The following PLAGL1 variants were observed in gnomAD, a reference collection of about 807,000 sequenced individuals.
The protein encoded by PLAGL1 is PLAG1 like zinc finger 1.
Under a neutral mutation model 4.6 loss-of-function variants are expected in PLAGL1, and 1 was observed. That is an observed-to-expected ratio of 0.22 (90% CI 0.08 to 1.03). The LOEUF (loss-of-function observed/expected upper bound fraction) is 1.03. Ranked by LOEUF, PLAGL1 falls within the 50% of genes least tolerant of loss-of-function variation. The probability of loss-of-function intolerance (pLI) is 0.58; values close to 1 mark genes in which losing one functional copy is unlikely to be tolerated. For synonymous variants in PLAGL1, 240 were observed against 237.8 expected, an observed-to-expected ratio of 1.01 and a Z score of -0.08; for missense variants, 464 against 570.4, an observed-to-expected ratio of 0.81 and a Z score of 1.90.
upstream of PLAGL1, among the ~76,000 whole-genome samples, chr6:144,009,513 C>G (rs1301152636): frequency 6.6e-6 from 1 of 152,076 alleles, no homozygotes; most frequent in East Asian, 1.9e-4. Flanking sequence ...ATGGCAATTG[C>G]TTTATTTATT....
At chr6:143,976,650 A>G (rs187593470) in intron 2 of PLAGL1, among the ~76,000 whole-genome samples, 109 of 152,360 alleles carry the variant, frequency 7.2e-4, no homozygotes, top group African/African-American at 2.6e-3. Flanking sequence ...ACTCTTATGA[A>G]TATCTAAAGG....
Position 144,005,184 on chromosome 6 carries a change from T to C in PLAGL1, c.-584+2906A>G, listed in dbSNP as rs530118700. The stretch of plus-strand genomic sequence containing the variant: ...ACACGTATGCTAACTACAGTGCAAA[T>C]TAGAAATCAGTAACAAAAGGATAAC... On this transcript the variant is annotated intron_variant, in intron 1 of 7. Coordinates refer to ENST00000674357, the MANE Select transcript of PLAGL1 (RefSeq NM_001317162.2). This position sits in a 1 kb window ranked among gnomAD's most constrained non-coding sequence, Gnocchi z 4.6. The C allele has an allele frequency of 6.6e-6, 1 of 152,176 alleles. No individual in the cohort carries two copies. Among genetic ancestry groups the C allele is most frequent in the Non-Finnish European group, 1.5e-5 (1 of 67,986 alleles). 9.4% of individuals were successfully genotyped at this position (152,176 alleles called of 1,614,324 possible).
intron 1 of PLAGL1, among the ~76,000 whole-genome samples, chr6:144,049,323 C>G (rs1299979065): frequency 6.6e-6 from 1 of 152,224 alleles, no homozygotes; most frequent in East Asian, 1.9e-4. Context: ...TTACCCAGTT[C>G]CAAAGTTGCT....
chr6:143,999,240 A>G (rs1327871731), intron 1 of PLAGL1, among the ~76,000 whole-genome samples: 1 of 152,178 alleles, frequency 6.6e-6, no homozygotes, highest in Non-Finnish European at 1.5e-5. Flanking sequence ...GTTTCCCTGA[A>G]TGATATAAAT....
At position 143,948,989 on chromosome 6, in the gene PLAGL1, T is replaced by C. The variant is rs143931233; in HGVS notation, c.-324-529A>G. Among the ~76,000 whole-genome samples the C allele has an allele frequency of 6.6e-6, 1 of 152,350 alleles. No individual in the cohort carries two copies. The highest frequency in any genetic ancestry group is 1.9e-4 in the East Asian group (1 of 5,186). ...ACCTAAGTCAATTTGTTTGTAAGAT[T>C]ACTCTGCAGAAGGGCTGATATAAAC... On this transcript the variant is annotated intron_variant, in intron 6 of 7. Transcript: ENST00000674357. This position sits in a 1 kb window ranked among gnomAD's most constrained non-coding sequence, Gnocchi z 6.0.
In PLAGL1 at chr6:144,034,566, T is replaced by C. The variant is rs139690088; in HGVS notation, c.-151+29902A>G. On this transcript the variant is annotated intron_variant, in intron 1 of 3. Coordinates refer to the PLAGL1 transcript ENST00000437412. This position sits in a 1 kb window ranked among gnomAD's most constrained non-coding sequence, Gnocchi z 4.7. ...TGCCAGAAAGGAAGTGTGCAGCTAATTCAGTCCTCCAGCAAAGAAAAGTGG... is the reference window on the plus strand; with the variant it reads ...TGCCAGAAAGGAAGTGTGCAGCTAACTCAGTCCTCCAGCAAAGAAAAGTGG... 1.3e-5 allele frequency among the ~76,000 whole-genome samples: 2 copies of C among 152,348 alleles called. No homozygotes were observed. The highest frequency in any genetic ancestry group is 3.9e-4 in the East Asian group (2 of 5,194).
Position 143,991,731 on chromosome 6 carries a change from T to C in PLAGL1, c.-583-6557A>G, listed in dbSNP as rs944421159. On this transcript the variant is annotated intron_variant, in intron 1 of 7. Transcript: ENST00000674357. ...GCTATGCTCCTGGTTCCCAGAACCA[T>C]GGCATTCCTTGTCCAAAGAGCTTCA... Among the ~76,000 whole-genome samples, 4 of 152,234 alleles carry C rather than the reference T, an allele frequency of 2.6e-5. No individual in the cohort carries two copies. In the East Asian group the frequency reaches 5.8e-4, roughly 22 times the overall value.
chr6:144,015,840 C>T lies in PLAGL1; in HGVS notation c.-150-46862G>A, dbSNP rs890989366. ...TTTGAAAGTTTCTTATAAAGTTAAA[C>T]ATACTCTTATTATATGACCCAGCAA... is the stretch of plus-strand genomic sequence containing the variant. On this transcript the variant is annotated intron_variant, in intron 1 of 3. Coordinates refer to the PLAGL1 transcript ENST00000437412. This position sits in a 1 kb window ranked among gnomAD's most constrained non-coding sequence, Gnocchi z 4.3. Among the ~76,000 whole-genome samples, 6 of 152,296 alleles carry T rather than the reference C, an allele frequency of 3.9e-5. No individual in the cohort carries two copies. Among genetic ancestry groups the T allele is most frequent in the Non-Finnish European group, 7.4e-5 (5 of 68,020 alleles).
At chr6:144,058,076 A>G (rs1799119355) in intron 1 of PLAGL1, among the ~76,000 whole-genome samples, 2 of 152,196 alleles carry the variant, frequency 1.3e-5, no homozygotes, top group Admixed American at 6.5e-5. Context: ...AGACTGGTTA[A>G]TTTACAAAGA....
rs564590457 is a variant in PLAGL1, at chr6:143,977,118, C to T, written c.-544+8017G>A. ...CAACACACTTAGCCTTCTCCATTAT[C>T]GACATCCCCCACTAGAGTGGTACAT... On this transcript the variant is annotated intron_variant, in intron 2 of 7. Coordinates refer to ENST00000674357, the MANE Select transcript of PLAGL1 (RefSeq NM_001317162.2). Among the ~76,000 whole-genome samples the T allele has an allele frequency of 9.6e-5, 13 of 135,756 alleles. No individual in the cohort carries two copies. In the South Asian group the frequency reaches 1.5e-3, roughly 16 times the overall value. The allele number at this position is 135,756 out of a possible 152,430, so 89.1% of individuals were successfully genotyped here. A position where few individuals can be genotyped will look rare whatever the true frequency, so the allele number is the denominator to read the frequency against.
chr6:143,997,467 T>G lies in PLAGL1; in HGVS notation c.-584+10623A>C, dbSNP rs1325575435. On this transcript the variant is annotated intron_variant, in intron 1 of 7. Coordinates refer to ENST00000674357, the MANE Select transcript of PLAGL1 (RefSeq NM_001317162.2). This position sits in a 1 kb window ranked among gnomAD's most constrained non-coding sequence, Gnocchi z 4.6. ...ACAAAAAGAACTACCTATTGATAGA[T>G]GCATCAACACAGATGACTCTAAAAA... Among the ~76,000 whole-genome samples the G allele has an allele frequency of 6.6e-6, 1 of 152,202 alleles. No individual in the cohort carries two copies. Among genetic ancestry groups the G allele is most frequent in the African/African-American group, 2.4e-5 (1 of 41,440 alleles).
rs573382623 is a variant in PLAGL1, at chr6:144,056,839, T to A, written c.-151+7629A>T. 1.4e-3 allele frequency among the ~76,000 whole-genome samples: 212 copies of A among 152,212 alleles called. 2 individuals carry two copies. Among genetic ancestry groups the A allele is most frequent in the South Asian group, 0.014 (67 of 4,818 alleles). ...GCCACCATGCTAAGCTAATTTTTTTTAATTTTATTTATGCTGCCCAGGTGT... is the reference window on the plus strand; with the variant it reads ...GCCACCATGCTAAGCTAATTTTTTTAAATTTTATTTATGCTGCCCAGGTGT... On this transcript the variant is annotated intron_variant, in intron 1 of 3. Transcript: ENST00000437412. This position sits in a 1 kb window ranked among gnomAD's most constrained non-coding sequence, Gnocchi z 4.7.
intron 1 of PLAGL1, among the ~76,000 whole-genome samples, chr6:144,060,811 C>A (rs964320157): frequency 4.6e-5 from 7 of 152,196 alleles, no homozygotes; most frequent in African/African-American, 9.7e-5. Context: ...AGAGATCAGA[C>A]CTATGTGAAA....
At chr6:143,993,600 T>C (rs934562942) in intron 1 of PLAGL1, among the ~76,000 whole-genome samples, 1 of 152,146 alleles carries the variant, frequency 6.6e-6, no homozygotes, top group Non-Finnish European at 1.5e-5. Context: ...TTAAAAAAAC[T>C]AAATTGTCTC....
chr6:144,062,719 A>G (rs1562625908), intron 1 of PLAGL1, among the ~76,000 whole-genome samples: 1 of 152,126 alleles, frequency 6.6e-6, no homozygotes, highest in Non-Finnish European at 1.5e-5. Flanking sequence ...CCCCAACTTA[A>G]CAGAGAGGGC....
In PLAGL1 at chr6:143,994,383, C is replaced by T. The variant is rs757077619; in HGVS notation, c.-583-9209G>A. 5.3e-5 allele frequency among the ~76,000 whole-genome samples: 8 copies of T among 152,198 alleles called. No individual in the cohort carries two copies. Among genetic ancestry groups the T allele is most frequent in the Middle Eastern group, 3.4e-3 (1 of 294 alleles). On this transcript the variant is annotated intron_variant, in intron 1 of 7. Transcript: ENST00000674357. This position sits in a 1 kb window ranked among gnomAD's most constrained non-coding sequence, Gnocchi z 4.3. ...TCTGAGAATATGAACATCTTTCCTC[C>T]GCTGTTTAAAAGCAATTTTCTAGAT...
chr6:143,979,934 T>C lies in PLAGL1; in HGVS notation c.-544+5201A>G, dbSNP rs114178716. On this transcript the variant is annotated intron_variant, in intron 2 of 7. Coordinates refer to ENST00000674357, the MANE Select transcript of PLAGL1 (RefSeq NM_001317162.2). The surrounding 1 kb of genome is among the most constrained non-coding windows in gnomAD (Gnocchi z 4.6). ...AAAAGTCTTTATTTCACCTGTTATTTTCCTACCAAAGAAAGTGCTTGCATG... is the reference window on the plus strand; with the variant it reads ...AAAAGTCTTTATTTCACCTGTTATTCTCCTACCAAAGAAAGTGCTTGCATG... Among the ~76,000 whole-genome samples the C allele has an allele frequency of 6.4e-4, 98 of 152,214 alleles. No homozygotes were observed. Among genetic ancestry groups the C allele is most frequent in the African/African-American group, 2.3e-3 (95 of 41,570 alleles).
chr6:144,045,300 A>T (rs987484604), intron 1 of PLAGL1, among the ~76,000 whole-genome samples: 3 of 152,068 alleles, frequency 2.0e-5, no homozygotes, highest in African/African-American at 4.8e-5. Context: ...ACAATTGGGC[A>T]TGTTTTTGCA....
chr6:144,021,358 C>T (rs1313685545), intron 1 of PLAGL1, among the ~76,000 whole-genome samples: 1 of 152,234 alleles, frequency 6.6e-6, no homozygotes, highest in Admixed American at 6.5e-5. Context: ...ACATTAACAT[C>T]TTTTTCAAAA....
Sources: gnomAD v4.1 joint callset for allele counts (sites outside exome capture counted in the v4.1 genomes callset) on GRCh38, gnomAD v4.1.1 for gene constraint, Gnocchi (gnomAD v3.1) non-coding constraint, MANE v1.5 for transcripts, NCBI Gene and HGNC (gene_info 2026-07-23, HGNC 2026-07-21) for gene names.